Variants in DENND3 observed in about 807,000 individuals in gnomAD.
DENND3 encodes DENN domain containing 3.
Under a neutral mutation model 135.1 loss-of-function variants are expected in DENND3, and 88 were observed. The observed-to-expected ratio is 0.65, with a 90% CI of 0.55 to 0.78. The LOEUF is 0.78. DENND3 is among the 30% of genes least tolerant of loss of function. DENND3 has a pLI of 0.00. For missense variants in DENND3, 1,392 were observed against 1,688.4 expected (o/e 0.82, Z 3.08); for synonymous variants, 693 against 712.3 (o/e 0.97, Z 0.43).
At chr8:141,136,373 C>A in intron 1 of DENND3, 136 bp from the exon 2 acceptor site, 1 of 923,366 alleles carries the variant, frequency 1.1e-6, no homozygotes, top group Non-Finnish European at 1.6e-6. Context: ...GAGCCCTTTA[C>A]TGTTAGGAGC....
At chr8:141,150,185 G>A (rs771656746) in intron 5 of DENND3, 2 of 505,302 alleles carry the variant, frequency 4.0e-6, no homozygotes, top group African/African-American at 2.0e-5. Flanking sequence ...GCCAGCACCC[G>A]GGTGGCAGGA....
chr8:141,192,874 C>T (rs1450788041), intron 22 of DENND3: 7 of 1,515,234 alleles, frequency 4.6e-6, no homozygotes, highest in Admixed American at 2.0e-5. Context: ...AAGCACTCCA[C>T]AGCGCATTCC....
In DENND3 at chr8:141,138,016, C is replaced by T; in HGVS notation, c.386-6C>T. ...AGGATTCTTCTCTGTCTCTTTCTGC[C>T]TGCAGGGGGTGTGTGCGTGGCCACT... On this transcript the variant is annotated splice_region_variant and splice_polypyrimidine_tract_variant and intron_variant, in intron 2 of 22. Transcript: ENST00000519811. The surrounding 1 kb of genome is among the most constrained non-coding windows in gnomAD (Gnocchi z 4.8). 5 of 1,589,232 alleles carry T rather than the reference C, an allele frequency of 3.1e-6. No homozygotes were observed. Among genetic ancestry groups the T allele is most frequent in the Non-Finnish European group, 4.3e-6 (5 of 1,166,420 alleles).
At chr8:141,147,616 C>T (rs1818323839) in intron 5 of DENND3, among the ~76,000 whole-genome samples, 1 of 152,216 alleles carries the variant, frequency 6.6e-6, no homozygotes. Context: ...TCTGAGTGAC[C>T]CCCACTCCCC....
chr8:141,165,381 C>G, intron 11 of DENND3, 92 bp downstream of exon 11: 1 of 992,476 alleles, frequency 1.0e-6, no homozygotes, highest in South Asian at 1.4e-5. Flanking sequence ...ATGAGAAAGT[C>G]AATGGGAAAT....
intron 16 of DENND3, among the ~76,000 whole-genome samples, chr8:141,179,762 C>T (rs116597540): frequency 3.9e-5 from 6 of 152,206 alleles, no homozygotes; most frequent in African/African-American, 7.2e-5. Context: ...TCACGGATGT[C>T]GACGTGTGTC....
chr8:141,169,992 A>T (rs1490562101), intron 13 of DENND3, among the ~76,000 whole-genome samples: 1 of 152,130 alleles, frequency 6.6e-6, no homozygotes, highest in Non-Finnish European at 1.5e-5. Flanking sequence ...AGATGTGAGA[A>T]CCGTCAGTCG....
chr8:141,189,110 CG>C lies in DENND3; in HGVS notation c.3211del (p.Asp1071IlefsTer2). The C allele has an allele frequency of 6.2e-7, 1 of 1,614,208 alleles. No individual in the cohort carries two copies. Among genetic ancestry groups the C allele is most frequent in the Non-Finnish European group, 8.5e-7 (1 of 1,180,038 alleles). ...KQLTAHCSSV[T>X]DLIVQDGQEA... ...CTCACAGCCCACTGCTCCAGTGTCACGGATTTGATTGTGCAGGACGGACAGG... is the reference window on the plus strand; with the variant it reads ...CTCACAGCCCACTGCTCCAGTGTCACGATTTGATTGTGCAGGACGGACAGG... On this transcript the variant is annotated frameshift_variant, in exon 19 of 23. Transcript: ENST00000519811. LOFTEE classifies it high-confidence loss of function.
At position 141,166,370 on chromosome 8, in the gene DENND3, C is replaced by T. The variant is rs1265691243; in HGVS notation, c.1734C>T (p.Gly578=). ...CGCTCCGGCTGACGGACACCGCAGG[C>T]TGTAGGGGCAGCAGCGCAGGTGAGG... ...NSSLRLTDTA[G]CRGSSAVLNV... is the part of the protein sequence containing the mutation. The change falls in exon 12 of 23, where the codon GGC becomes GGT. Residue 578 remains glycine (G), a synonymous_variant. Coordinates refer to ENST00000519811, the MANE Select transcript of DENND3 (RefSeq NM_001352890.3). This position sits in a 1 kb window ranked among gnomAD's most constrained non-coding sequence, Gnocchi z 4.3. 1 of 1,612,412 alleles carries T rather than the reference C, an allele frequency of 6.2e-7. No homozygotes were observed. Among genetic ancestry groups the T allele is most frequent in the Non-Finnish European group, 8.5e-7 (1 of 1,179,918 alleles).
chr8:141,149,035 C>T (rs1330493427), intron 5 of DENND3, among the ~76,000 whole-genome samples: 1 of 152,074 alleles, frequency 6.6e-6, no homozygotes, highest in East Asian at 1.9e-4. Context: ...CTCAACCTCC[C>T]GAGTAGCTGG....
intron 14 of DENND3, 87 bp from the exon 15 acceptor site, chr8:141,176,504 T>C: frequency 6.5e-7 from 1 of 1,545,134 alleles, no homozygotes; most frequent in Non-Finnish European, 8.9e-7. Flanking sequence ...TGCCTCTTCA[T>C]TCCAGAGCCC....
chr8:141,148,972 A>G (rs307756), intron 5 of DENND3, among the ~76,000 whole-genome samples: 11,339 of 150,950 alleles, frequency 0.075, 1,436 homozygotes, highest in African/African-American at 0.26. Context: ...GTGCAATGGC[A>G]CAGTCTCGGC....
chr8:141,148,941 G>A (rs918188362), intron 5 of DENND3, among the ~76,000 whole-genome samples: 3 of 147,428 alleles, frequency 2.0e-5, no homozygotes, highest in East Asian at 2.0e-4. Flanking sequence ...GAGGAGTTTC[G>A]CTCTTGTTGC....
intron 18 of DENND3, chr8:141,188,767 A>G (rs956452927): frequency 1.2e-4 from 68 of 555,188 alleles, no homozygotes; most frequent in Admixed American, 1.9e-4. Context: ...TACGTAGTCA[A>G]TAAGGTGTCT....
chr8:141,178,270 CT>C, intron 16 of DENND3, 74 bp downstream of exon 16: 1 of 1,543,502 alleles, frequency 6.5e-7, no homozygotes, highest in South Asian at 1.2e-5. Flanking sequence ...TGGTCGATGT[CT>C]GTTTTATCAA....
chr8:141,154,927 A>G lies in DENND3; in HGVS notation c.1075-922A>G, dbSNP rs1819263121. 6.6e-6 allele frequency among the ~76,000 whole-genome samples: 1 copy of G among 152,198 alleles called. No homozygotes were observed. The highest frequency in any genetic ancestry group is 2.1e-4 in the South Asian group (1 of 4,834). On this transcript the variant is annotated intron_variant, in intron 7 of 22. Transcript: ENST00000519811. The surrounding 1 kb of genome is among the most constrained non-coding windows in gnomAD (Gnocchi z 4.4). ...AAGCAAAATGTGGTCTTTCCAAATAATGGACTATTCAGGCTGAAGAAGCAA... is the reference window on the plus strand; with the variant it reads ...AAGCAAAATGTGGTCTTTCCAAATAGTGGACTATTCAGGCTGAAGAAGCAA...
chr8:141,174,601 C>T lies in DENND3; in HGVS notation c.2276-599C>T, dbSNP rs975830714. ...CTCAGGCTCCTCTGACTCCAGAGCCCGTGAGTGCTGGCCTCGTGGGAAGGT... is the reference window on the plus strand; with the variant it reads ...CTCAGGCTCCTCTGACTCCAGAGCCTGTGAGTGCTGGCCTCGTGGGAAGGT... On this transcript the variant is annotated intron_variant, in intron 13 of 22. Transcript: ENST00000519811. The surrounding 1 kb of genome is among the most constrained non-coding windows in gnomAD (Gnocchi z 4.6). Among the ~76,000 whole-genome samples the T allele has an allele frequency of 3.9e-5, 6 of 152,164 alleles. No homozygotes were observed. Among genetic ancestry groups the T allele is most frequent in the African/African-American group, 7.2e-5 (3 of 41,424 alleles).
In DENND3 at chr8:141,168,215, C is replaced by T. The variant is rs767136020; in HGVS notation, c.1965C>T (p.Asn655=). The T allele has an allele frequency of 3.2e-5, 52 of 1,614,062 alleles. No homozygotes were observed. In the Middle Eastern group the frequency reaches 1.5e-3, roughly 46 times the overall value. The change falls in exon 13 of 23, where the codon AAC becomes AAT. Residue 655 remains asparagine (N), a synonymous_variant. Transcript: ENST00000519811. This position sits in a 1 kb window ranked among gnomAD's most constrained non-coding sequence, Gnocchi z 6.2. ...ATCTGATGCAGGGACAGCTGCTGAA[C>T]GCCCTCTTGGACTTCCAGAATCTGT... is the stretch of plus-strand genomic sequence containing the variant. ...LVYLMQGQLL[N]ALLDFQNLYK... is the part of the protein sequence containing the mutation.
At chr8:141,188,324 A>ACTCT (rs1464727588) in intron 18 of DENND3, 4 of 151,970 alleles carry the variant, frequency 2.6e-5, no homozygotes, top group Admixed American at 6.6e-5. Context: ...CCCTGAGCGC[A>ACTCT]CTCTCTAGAC....
Sources: allele counts gnomAD v4.1 joint callset (sites outside exome capture counted in the v4.1 genomes callset), GRCh38; gene constraint gnomAD v4.1.1; non-coding constraint Gnocchi (gnomAD v3.1); transcripts MANE v1.5; gene names NCBI Gene and HGNC (gene_info 2026-07-23, HGNC 2026-07-21).